Variants in TENM1 observed in about 807,000 individuals in gnomAD.
TENM1 encodes the protein teneurin-1.
In TENM1, 35 loss-of-function variants were observed where a neutral mutation model predicts 174.8. The observed-to-expected ratio is 0.20, with a 90% confidence interval of 0.15 to 0.27. TENM1 has a LOEUF of 0.27. TENM1 is among the 10% of genes least tolerant of loss of function. TENM1 has a pLI of 1.00. For synonymous variants in TENM1, 781 were observed against 798.7 expected (o/e 0.98, Z 0.37); for missense variants, 1,633 against 2,130.1 (o/e 0.77, Z 4.59).
At chrX:125,093,178 G>T in the TENM1 span, among the ~76,000 whole-genome samples, 1 of 112,124 alleles carries the variant, frequency 8.9e-6, no homozygotes, top group East Asian at 2.8e-4. Flanking sequence ...ATGTTTGTAA[G>T]ATTAGCTCAG....
At chrX:124,788,252 A>G (rs1300280564) in intron 3 of TENM1, among the ~76,000 whole-genome samples, 2 of 111,203 alleles carry the variant, frequency 1.8e-5, no homozygotes, top group African/African-American at 3.3e-5. Context: ...CCATAATTCA[A>G]TCATCTCCCA....
At chrX:124,942,630 T>C (rs1164445090) in intron 1 of TENM1, among the ~76,000 whole-genome samples, 2 of 111,918 alleles carry the variant, frequency 1.8e-5, no homozygotes, top group African/African-American at 6.5e-5. Flanking sequence ...AATGGTAATG[T>C]AATTTAGAGG....
At chrX:124,729,192 A>T (rs1159040012) in intron 4 of TENM1, among the ~76,000 whole-genome samples, 1 of 112,367 alleles carries the variant, frequency 8.9e-6, no homozygotes, top group Non-Finnish European at 1.9e-5. Context: ...TTTACAGCAG[A>T]TTAAAGCTAT....
intron 27 of TENM1, among the ~76,000 whole-genome samples, chrX:124,401,772 T>TA (rs761770216): frequency 9.0e-5 from 10 of 111,536 alleles, no homozygotes; most frequent in African/African-American, 2.0e-4. Context: ...GGCATCAGCA[T>TA]AAAAAAAATC....
intron 11 of TENM1, among the ~76,000 whole-genome samples, chrX:124,580,506 GTATA>G (rs1415569289): frequency 9.2e-6 from 1 of 109,053 alleles, no homozygotes; most frequent in Non-Finnish European, 1.9e-5. Flanking sequence ...ACATGTGTGT[GTATA>G]TATATGCACA....
chrX:124,414,091 T>A, intron 25 of TENM1, among the ~76,000 whole-genome samples: 1 of 111,575 alleles, frequency 9.0e-6, no homozygotes, highest in Middle Eastern at 4.6e-3. Flanking sequence ...CAGTGGGTGG[T>A]GTTTTTGTTT....
At chrX:125,151,189 A>G in the TENM1 span, among the ~76,000 whole-genome samples, 1 of 112,516 alleles carries the variant, frequency 8.9e-6, no homozygotes. Context: ...TCAGAACATG[A>G]TATCTTACAA....
At chrX:124,766,263 C>T (rs1385615378) in intron 3 of TENM1, among the ~76,000 whole-genome samples, 1 of 111,512 alleles carries the variant, frequency 9.0e-6, no homozygotes, top group Non-Finnish European at 1.9e-5. Context: ...ACTTCAAATC[C>T]AGTTATTTTC....
At chrX:124,873,857 T>C (rs1384942390) in intron 3 of TENM1, among the ~76,000 whole-genome samples, 1 of 111,682 alleles carries the variant, frequency 9.0e-6, no homozygotes, top group African/African-American at 3.2e-5. Flanking sequence ...ATATCATAAA[T>C]AAATACATAT....
At chrX:124,694,671 T>A (rs757256841) in intron 5 of TENM1, among the ~76,000 whole-genome samples, 5 of 112,160 alleles carry the variant, frequency 4.5e-5, no homozygotes, top group Non-Finnish European at 9.4e-5. Context: ...CACATTCATT[T>A]GAAACAAGTC....
At chrX:124,809,038 GGTTT>G (rs1171761408) in intron 3 of TENM1, among the ~76,000 whole-genome samples, 1 of 110,850 alleles carries the variant, frequency 9.0e-6, no homozygotes, top group African/African-American at 3.3e-5. Context: ...ATGAAACAGA[GGTTT>G]TTTTTAAAAG....
chrX:124,995,832 T>G, the TENM1 span, among the ~76,000 whole-genome samples: 1 of 111,447 alleles, frequency 9.0e-6, no homozygotes, highest in East Asian at 2.8e-4. Context: ...AGTTTCCCAA[T>G]ACTTTCAATT....
At chrX:125,184,633 T>C in the TENM1 span, among the ~76,000 whole-genome samples, 1 of 111,765 alleles carries the variant, frequency 8.9e-6, no homozygotes, top group Admixed American at 9.6e-5. Flanking sequence ...AGAAGGGCAA[T>C]GCAAATTCTG....
At chrX:125,069,525 C>A in the TENM1 span, among the ~76,000 whole-genome samples, 1 of 110,836 alleles carries the variant, frequency 9.0e-6, no homozygotes, top group African/African-American at 3.3e-5. Context: ...AGTAGTGGGA[C>A]TGCTGGATCA....
At chrX:124,556,323 C>T (rs1427443070) in intron 14 of TENM1, among the ~76,000 whole-genome samples, 2 of 110,544 alleles carry the variant, frequency 1.8e-5, no homozygotes, top group African/African-American at 6.6e-5. Flanking sequence ...GTGGCATGCA[C>T]CTATAGTTCC....
chrX:124,916,718 G>T (rs1216055851), intron 1 of TENM1, among the ~76,000 whole-genome samples: 2 of 110,981 alleles, frequency 1.8e-5, no homozygotes, highest in African/African-American at 6.6e-5. Flanking sequence ...GTGGGAATGG[G>T]TTTGTTAATT....
intron 19 of TENM1, among the ~76,000 whole-genome samples, chrX:124,499,950 AT>A (rs776517815): frequency 1.8e-5 from 2 of 111,241 alleles, no homozygotes; most frequent in Non-Finnish European, 3.8e-5. Context: ...GTAGATCTCC[AT>A]TTTTTTATAT....
At chrX:125,085,370 C>T in the TENM1 span, among the ~76,000 whole-genome samples, 1 of 110,970 alleles carries the variant, frequency 9.0e-6, no homozygotes, top group Non-Finnish European at 1.9e-5. Context: ...ATTTTCCTTG[C>T]ATATGAATAT....
intron 4 of TENM1, among the ~76,000 whole-genome samples, chrX:124,722,173 T>C (rs1184916477): frequency 1.8e-5 from 2 of 112,531 alleles, no homozygotes; most frequent in Non-Finnish European, 3.8e-5. Context: ...GACTATTTTA[T>C]GCCAGAAGAA....
Sources: allele counts gnomAD v4.1 joint callset (sites outside exome capture counted in the v4.1 genomes callset), GRCh38; gene constraint gnomAD v4.1.1; transcripts MANE v1.5; gene names NCBI Gene and HGNC (gene_info 2026-07-23, HGNC 2026-07-21).